Variants in TLL1 observed in about 807,000 individuals in gnomAD.
The protein encoded by TLL1 is tolloid like 1.
Under a neutral mutation model 128.2 loss-of-function variants are expected in TLL1, and 49 were observed. That is an observed-to-expected ratio of 0.38 (90% CI 0.30 to 0.48). The LOEUF is 0.48. TLL1 is among the 20% of genes least tolerant of loss of function. The pLI, the probability that TLL1 is intolerant of heterozygous loss-of-function variation, is 0.96. For missense variants in TLL1, 1,123 were observed against 1,242.0 expected, an observed-to-expected ratio of 0.90 and a Z score of 1.44; for synonymous variants, 454 against 418.8, an observed-to-expected ratio of 1.08 and a Z score of -1.03.
At chr4:165,925,530 T>G (rs1733230391) in intron 1 of TLL1, among the ~76,000 whole-genome samples, 2 of 152,198 alleles carry the variant, frequency 1.3e-5, no homozygotes, top group Non-Finnish European at 2.9e-5. Flanking sequence ...TTCTTATGGA[T>G]GAGCAAAGAA....
At chr4:166,047,894 G>T (rs1739531761) in intron 12 of TLL1, among the ~76,000 whole-genome samples, 1 of 152,092 alleles carries the variant, frequency 6.6e-6, no homozygotes, top group Non-Finnish European at 1.5e-5. Context: ...TTTGGGACAT[G>T]ATTAGTCATG....
chr4:166,103,794 T>G lies in TLL1; in HGVS notation c.*2918T>G, dbSNP rs1265640523. The stretch of plus-strand genomic sequence containing the variant: ...AATTATTTTCCACCCTACATCAGTA[T>G]ATTGGTTGTGCTTTATATTTGCCAA... On this transcript the variant is annotated 3_prime_UTR_variant, in exon 21 of 21. Transcript: ENST00000061240. 2 of 150,990 alleles carry G rather than the reference T, an allele frequency of 1.3e-5. No individual in the cohort carries two copies. Among genetic ancestry groups the G allele is most frequent in the Non-Finnish European group, 3.0e-5 (2 of 67,746 alleles). 9.4% of individuals were successfully genotyped at this position (150,990 alleles called of 1,614,324 possible).
intron 1 of TLL1, among the ~76,000 whole-genome samples, chr4:165,906,503 T>C (rs1443494215): frequency 6.6e-6 from 1 of 152,222 alleles, no homozygotes; most frequent in African/African-American, 2.4e-5. Context: ...AATAGCTTCT[T>C]GTACTGCTGC....
intron 1 of TLL1, among the ~76,000 whole-genome samples, chr4:165,987,304 G>A (rs979145510): frequency 3.9e-5 from 6 of 152,072 alleles, no homozygotes; most frequent in Non-Finnish European, 8.8e-5. Context: ...AGTGTAAAAT[G>A]TATTTTTATG....
chr4:165,878,006 C>T (rs546256017), intron 1 of TLL1, among the ~76,000 whole-genome samples: 4 of 152,230 alleles, frequency 2.6e-5, no homozygotes, highest in Non-Finnish European at 4.4e-5. Context: ...GAGTGAAAGT[C>T]CAAAAACCTA....
chr4:166,093,618 T>A (rs1408330389), intron 19 of TLL1, among the ~76,000 whole-genome samples: 1 of 152,154 alleles, frequency 6.6e-6, no homozygotes, highest in Non-Finnish European at 1.5e-5. Context: ...CCTCTTTTAC[T>A]AATCCACCTC....
intron 18 of TLL1, among the ~76,000 whole-genome samples, chr4:166,078,855 C>A (rs532629062): frequency 1.3e-5 from 2 of 152,094 alleles, no homozygotes; most frequent in Non-Finnish European, 2.9e-5. Flanking sequence ...GTGAGACTAC[C>A]AGTCCAAGGT....
chr4:166,047,075 A>G (rs1455942793), intron 12 of TLL1, among the ~76,000 whole-genome samples: 1 of 152,122 alleles, frequency 6.6e-6, no homozygotes, highest in Non-Finnish European at 1.5e-5. Context: ...TAAATTTTCA[A>G]TATTATATGA....
intron 1 of TLL1, among the ~76,000 whole-genome samples, chr4:165,952,878 A>C: frequency 6.6e-6 from 1 of 152,156 alleles, no homozygotes; most frequent in East Asian, 1.9e-4. Flanking sequence ...ACTAAAGAGC[A>C]AGAATGGGTT....
chr4:166,045,588 C>T (rs1317403743), intron 12 of TLL1, among the ~76,000 whole-genome samples: 3 of 152,106 alleles, frequency 2.0e-5, no homozygotes, highest in African/African-American at 7.2e-5. Context: ...CAGAGTGATG[C>T]TTTTACAATG....
chr4:166,081,046 C>T (rs1741263373), intron 18 of TLL1, among the ~76,000 whole-genome samples: 1 of 152,110 alleles, frequency 6.6e-6, no homozygotes, highest in African/African-American at 2.4e-5. Context: ...TGAGCTTTCT[C>T]AGTGATCCTA....
intron 1 of TLL1, among the ~76,000 whole-genome samples, chr4:165,898,097 TGAA>T (rs2110845807): frequency 6.6e-6 from 1 of 152,354 alleles, no homozygotes; most frequent in South Asian, 2.1e-4. Context: ...GAGACTTTGC[TGAA>T]GTTGCTTATC....
chr4:165,927,347 A>C lies in TLL1; in HGVS notation c.169+53274A>C, dbSNP rs558257212. ...AGTTTAAAGTCAAGCTAAAGTAAAA[A>C]TTATTAAGATTATCTTAAGAACTTG... is the stretch of plus-strand genomic sequence containing the variant. On this transcript the variant is annotated intron_variant, in intron 1 of 20. Coordinates refer to ENST00000061240, the MANE Select transcript of TLL1 (RefSeq NM_012464.5). Among the ~76,000 whole-genome samples the C allele has an allele frequency of 7.2e-4, 109 of 152,378 alleles. 1 individual carries two copies. The highest frequency in any genetic ancestry group is 5.2e-3 in the South Asian group (25 of 4,834).
chr4:166,000,969 G>A (rs76064090), intron 5 of TLL1, among the ~76,000 whole-genome samples: 2,073 of 151,836 alleles, frequency 0.014, 45 homozygotes, highest in African/African-American at 0.047. Context: ...TCTAACTGGC[G>A]TAGTATGGAT....
rs1299517334 is a variant in TLL1, at chr4:166,077,924, A to G, written c.2336A>G (p.His779Arg). ...CKEAECEQKI[H>R]SPSGLITSPN... Reference sequence around the variant, plus strand: ...GCAGCTGAGTGTGAACAGAAGATCCACAGTCCAAGTGGCCTCATCACCAGT... The same window carrying G: ...GCAGCTGAGTGTGAACAGAAGATCCGCAGTCCAAGTGGCCTCATCACCAGT... The change falls in exon 18 of 21, where the codon CAC becomes CGC. Residue 779 changes from histidine (H) to arginine (R), a missense_variant. Physicochemically the swap from His to Arg is conservative, Grantham distance 29 (BLOSUM62 0). Around this residue, in one of 3 missense-constraint regions of TLL1, gnomAD observed 634 missense variants for 672.4 expected, o/e 0.94. Coordinates refer to ENST00000061240, the MANE Select transcript of TLL1 (RefSeq NM_012464.5). The G allele has an allele frequency of 6.2e-7, 1 of 1,613,490 alleles. No individual in the cohort carries two copies. Among genetic ancestry groups the G allele is most frequent in the African/African-American group, 1.3e-5 (1 of 74,906 alleles).
chr4:166,009,956 A>G (rs1737610826), intron 7 of TLL1, among the ~76,000 whole-genome samples: 1 of 151,358 alleles, frequency 6.6e-6, no homozygotes, highest in African/African-American at 2.4e-5. Flanking sequence ...CGTAAACTCT[A>G]TACCTATTAA....
Position 166,078,013 on chromosome 4 carries a change from G to A in TLL1, c.2425G>A (p.Gly809Ser), listed in dbSNP as rs1307808216. 2 of 1,613,562 alleles carry A rather than the reference G, an allele frequency of 1.2e-6. No homozygotes were observed. Among genetic ancestry groups the A allele is most frequent in the Non-Finnish European group, 1.7e-6 (2 of 1,179,696 alleles). The change falls in exon 18 of 21, where the codon GGC (glycine) becomes AGC (serine). Residue 809 changes from glycine (G) to serine (S), a missense_variant. Around this residue, in one of 3 missense-constraint regions of TLL1, gnomAD observed 634 missense variants for 672.4 expected, o/e 0.94. Coordinates refer to ENST00000061240, the MANE Select transcript of TLL1 (RefSeq NM_012464.5). ...CACTTGGGAAATCAGCGCCACTCCT[G>A]GCCACCGAATCAAATTAGTAAGTGA... ...ECTWEISATPGHRIKLAFSEF... is the reference protein window; with the variant it reads ...ECTWEISATPSHRIKLAFSEF...
At chr4:165,999,566 T>C (rs140207398) in intron 5 of TLL1, among the ~76,000 whole-genome samples, 3 of 152,042 alleles carry the variant, frequency 2.0e-5, no homozygotes, top group African/African-American at 7.2e-5. Flanking sequence ...ATGTGGGGAT[T>C]ACAATTTGAG....
intron 1 of TLL1, among the ~76,000 whole-genome samples, chr4:165,955,668 A>G (rs983041112): frequency 1.3e-5 from 2 of 152,154 alleles, no homozygotes; most frequent in Non-Finnish European, 2.9e-5. Flanking sequence ...TTCAACCAAG[A>G]GTTTCATATG....
Sources: allele counts gnomAD v4.1 joint callset (sites outside exome capture counted in the v4.1 genomes callset), GRCh38; gene constraint gnomAD v4.1.1; regional missense constraint gnomAD v4.1.1; transcripts MANE v1.5; gene names NCBI Gene and HGNC (gene_info 2026-07-23, HGNC 2026-07-21).